Variants in RBFOX1 observed in about 807,000 individuals in gnomAD.
RBFOX1 encodes the protein RNA binding protein fox-1 homolog 1.
Under a neutral mutation model 57.7 loss-of-function variants are expected in RBFOX1, and 8 were observed. The ratio of observed to expected loss-of-function variants is 0.14; its 90% confidence interval spans 0.08 to 0.25. The LOEUF is 0.25. RBFOX1 is among the 10% of genes least tolerant of loss of function. The pLI is 1.00. For missense variants in RBFOX1, 611 were observed against 548.5 expected (o/e 1.11, Z -1.14); for synonymous variants, 326 against 222.4 (o/e 1.47, Z -4.15).
intron 4 of RBFOX1, among the ~76,000 whole-genome samples, chr16:7,305,416 G>C (rs2096156230): frequency 6.6e-6 from 1 of 152,142 alleles, no homozygotes; most frequent in South Asian, 2.1e-4. Flanking sequence ...GATGTGAACT[G>C]AAGGGCTAGA....
intron 1 of RBFOX1, among the ~76,000 whole-genome samples, chr16:5,404,327 G>T (rs952882465): frequency 6.6e-6 from 1 of 152,136 alleles, no homozygotes; most frequent in African/African-American, 2.4e-5. Context: ...CCTTCTGGGA[G>T]CATTGAACCT....
intron 4 of RBFOX1, among the ~76,000 whole-genome samples, chr16:7,469,638 T>A (rs1269668410): frequency 6.6e-6 from 1 of 152,230 alleles, no homozygotes; most frequent in Non-Finnish European, 1.5e-5. Flanking sequence ...TCCTCTCTTC[T>A]TAATGTCTCA....
At chr16:7,206,005 A>T (rs1177548352) in intron 4 of RBFOX1, among the ~76,000 whole-genome samples, 2 of 152,256 alleles carry the variant, frequency 1.3e-5, no homozygotes, top group Non-Finnish European at 2.9e-5. Context: ...TGTGTTCTGA[A>T]CACAGGTGTG....
At chr16:7,300,561 TTCTG>T (rs2096007470) in intron 4 of RBFOX1, among the ~76,000 whole-genome samples, 1 of 152,298 alleles carries the variant, frequency 6.6e-6, no homozygotes, top group African/African-American at 2.4e-5. Context: ...AAGTCCTTCT[TTCTG>T]TCTAACTGGA....
At chr16:7,464,093 C>G (rs898711590) in intron 4 of RBFOX1, among the ~76,000 whole-genome samples, 3 of 152,136 alleles carry the variant, frequency 2.0e-5, no homozygotes, top group Non-Finnish European at 2.9e-5. Context: ...TCTTTATGAT[C>G]TGCTTACTTG....
chr16:5,451,337 C>A (rs1366173042), intron 1 of RBFOX1, among the ~76,000 whole-genome samples: 1 of 152,230 alleles, frequency 6.6e-6, no homozygotes, highest in Non-Finnish European at 1.5e-5. Context: ...GACCCATCAA[C>A]AGGGATAATC....
At chr16:6,540,268 G>A (rs892063687) in intron 2 of RBFOX1, among the ~76,000 whole-genome samples, 2 of 150,986 alleles carry the variant, frequency 1.3e-5, no homozygotes, top group Admixed American at 1.3e-4. Flanking sequence ...TCCCTCAATT[G>A]TTCTTTATTC....
chr16:7,257,109 G>A (rs9934782), intron 4 of RBFOX1, among the ~76,000 whole-genome samples: 81,482 of 151,892 alleles, frequency 0.54, 22,249 homozygotes, highest in Middle Eastern at 0.61. Flanking sequence ...GTCCTTCAGT[G>A]AACAGTTGTG....
intron 4 of RBFOX1, among the ~76,000 whole-genome samples, chr16:5,890,863 A>G (rs976503695): frequency 6.6e-6 from 1 of 152,170 alleles, no homozygotes; most frequent in African/African-American, 2.4e-5. Flanking sequence ...GCTTGAATTC[A>G]GGAAATGGAA....
At position 7,595,584 on chromosome 16, in the gene RBFOX1, T is replaced by C; in HGVS notation, c.504T>C (p.Asp168=). The C allele has an allele frequency of 1.9e-6, 3 of 1,562,996 alleles. No individual in the cohort carries two copies. Among genetic ancestry groups the C allele is most frequent in the Non-Finnish European group, 2.6e-6 (3 of 1,151,288 alleles). ...FGFVTFENSA[D]ADRAREKLHG... ...TCGTAACTTTCGAAAATAGTGCCGA[T>C]GCGGACAGGGCGAGGGAGAAATTAC... Residue 168 remains aspartate (D), a synonymous_variant, in exon 8 of 16, where the codon GAT becomes GAC. Transcript: ENST00000550418.
At chr16:7,292,545 C>CAG (rs935764211) in intron 4 of RBFOX1, among the ~76,000 whole-genome samples, 22 of 145,604 alleles carry the variant, frequency 1.5e-4, no homozygotes, top group Admixed American at 1.1e-3. Context: ...CACACACACA[C>CAG]ACACACACAA....
intron 3 of RBFOX1, among the ~76,000 whole-genome samples, chr16:6,905,864 C>T (rs1046038034): frequency 1.3e-5 from 2 of 152,208 alleles, no homozygotes; most frequent in South Asian, 2.1e-4. Flanking sequence ...TTCCCTGGCC[C>T]TCTGCTGATC....
chr16:5,829,876 A>C (rs1004754875), intron 3 of RBFOX1, among the ~76,000 whole-genome samples: 1 of 152,184 alleles, frequency 6.6e-6, no homozygotes, highest in Admixed American at 6.5e-5. Context: ...ACAGGGGGGA[A>C]GAAAAGGCCT....
At chr16:5,620,163 G>C (rs3964090) in intron 3 of RBFOX1, among the ~76,000 whole-genome samples, 72,196 of 151,830 alleles carry the variant, frequency 0.48, 21,287 homozygotes, top group Non-Finnish European at 0.67. Flanking sequence ...AACCCGAGGA[G>C]CTTTGCGTAC....
chr16:7,450,706 G>A (rs1247497540), intron 4 of RBFOX1, among the ~76,000 whole-genome samples: 1 of 152,134 alleles, frequency 6.6e-6, no homozygotes, highest in Admixed American at 6.5e-5. Context: ...CACCTACTGG[G>A]CGCCAGGCAT....
chr16:7,451,450 C>G (rs1241883540), intron 4 of RBFOX1, among the ~76,000 whole-genome samples: 2 of 152,100 alleles, frequency 1.3e-5, no homozygotes, highest in Non-Finnish European at 2.9e-5. Context: ...GCTCACTTTT[C>G]TATACATTTT....
At chr16:7,504,200 AT>A (rs2071979163) in intron 4 of RBFOX1, among the ~76,000 whole-genome samples, 1 of 152,152 alleles carries the variant, frequency 6.6e-6, no homozygotes, top group Non-Finnish European at 1.5e-5. Flanking sequence ...TATTTATGAA[AT>A]GAAGATAAAG....
intron 4 of RBFOX1, among the ~76,000 whole-genome samples, chr16:7,317,239 A>C (rs12918524): frequency 0.06 from 9,177 of 152,190 alleles, 352 homozygotes; most frequent in South Asian, 0.11. Flanking sequence ...TTCATCCCCG[A>C]AGCTGATGTT....
At chr16:6,936,962 G>A (rs2077472582) in intron 3 of RBFOX1, among the ~76,000 whole-genome samples, 1 of 116,854 alleles carries the variant, frequency 8.6e-6, no homozygotes, top group South Asian at 3.6e-4. Context: ...GGAGGGGGGA[G>A]GGATAGCATT....
Sources: gnomAD v4.1 joint callset for allele counts (sites outside exome capture counted in the v4.1 genomes callset) on GRCh38, gnomAD v4.1.1 for gene constraint, MANE v1.5 for transcripts, NCBI Gene and HGNC (gene_info 2026-07-23, HGNC 2026-07-21) for gene names.